MTFR1: variants seen among roughly 807,000 people sequenced by gnomAD.
MTFR1 encodes the protein chondrocyte protein with a poly-proline region.
A neutral mutation model predicts 38.8 loss-of-function variants in MTFR1; 28 were observed. The ratio of observed to expected loss-of-function variants is 0.72; its 90% confidence interval spans 0.53 to 0.99. The LOEUF (loss-of-function observed/expected upper bound fraction) is 0.99, where lower values mean the gene tolerates loss of function less well. Ranked by LOEUF, MTFR1 falls within the 50% of genes least tolerant of loss-of-function variation. The pLI is 0.00. For missense variants in MTFR1, 358 were observed against 395.5 expected (o/e 0.91, Z 0.81); for synonymous variants, 145 against 137.0 (o/e 1.06, Z -0.41).
At chr8:65,730,117 G>A (rs1806792824) in intron 3 of MTFR1, among the ~76,000 whole-genome samples, 2 of 147,708 alleles carry the variant, frequency 1.4e-5, no homozygotes, top group African/African-American at 2.5e-5. Context: ...GCTTCTCATA[G>A]GAGCACAAAC....
chr8:65,689,985 T>G (rs183012849), intron 3 of MTFR1, among the ~76,000 whole-genome samples: 8 of 152,356 alleles, frequency 5.3e-5, no homozygotes, highest in African/African-American at 1.9e-4. Flanking sequence ...GCACATATTA[T>G]GGACTTGGTA....
intron 3 of MTFR1, among the ~76,000 whole-genome samples, chr8:65,755,047 G>A (rs1189797716): frequency 1.4e-5 from 2 of 142,026 alleles, no homozygotes; most frequent in Non-Finnish European, 3.0e-5. Context: ...TTGAGACAGA[G>A]TCTCACTCTG....
At chr8:65,767,615 G>A (rs994554244) in intron 3 of MTFR1, among the ~76,000 whole-genome samples, 3 of 152,116 alleles carry the variant, frequency 2.0e-5, no homozygotes, top group Non-Finnish European at 2.9e-5. Flanking sequence ...CATACCCTGG[G>A]GGAATCTGGG....
chr8:65,770,121 CTGTG>C (rs10608556), intron 3 of MTFR1, among the ~76,000 whole-genome samples: 17,811 of 146,352 alleles, frequency 0.12, 1,279 homozygotes, highest in African/African-American at 0.21. Flanking sequence ...CAGTATACTT[CTGTG>C]TGTGTGTGTG....
At chr8:65,684,500 C>T (rs1270713795) in intron 3 of MTFR1, among the ~76,000 whole-genome samples, 1 of 151,774 alleles carries the variant, frequency 6.6e-6, no homozygotes, top group Admixed American at 6.6e-5. Flanking sequence ...GTTCTCCTGC[C>T]TCAGCCTCCC....
rs1381851838 is a variant in MTFR1 at position 65,727,434 on chromosome 8, T to C, written c.*48+7953T>C. ...CCCCTTCACGTCATTCCTCAGGTGGTTGTTCATTAGGTTCACCAAGCACAT... is the reference window on the plus strand; with the variant it reads ...CCCCTTCACGTCATTCCTCAGGTGGCTGTTCATTAGGTTCACCAAGCACAT... On this transcript the variant is annotated intron_variant, in intron 3 of 3. Coordinates refer to the MTFR1 transcript ENST00000521247. 8 of 1,316,988 alleles carry C rather than the reference T, an allele frequency of 6.1e-6. No homozygotes were observed. The Admixed American group carries it at 1.4e-4, about 24-fold the overall frequency. 81.6% of individuals were successfully genotyped at this position (1,316,988 alleles called of 1,614,324 possible).
intron 3 of MTFR1, among the ~76,000 whole-genome samples, chr8:65,724,601 G>A (rs189216562): frequency 6.6e-6 from 1 of 152,268 alleles, no homozygotes; most frequent in African/African-American, 2.4e-5. Context: ...TGCCTTCCTA[G>A]GTAGCAGATT....
At chr8:65,740,583 G>T (rs761717411) in intron 3 of MTFR1, among the ~76,000 whole-genome samples, 4 of 152,062 alleles carry the variant, frequency 2.6e-5, no homozygotes, top group African/African-American at 9.7e-5. Flanking sequence ...TGTATTTTTA[G>T]TAGAGACAGG....
intron 1 of MTFR1, among the ~76,000 whole-genome samples, chr8:65,649,084 C>T (rs778528138): frequency 2.6e-5 from 4 of 152,030 alleles, no homozygotes; most frequent in African/African-American, 7.2e-5. Context: ...CAGTAGACAA[C>T]TGTTTCCATT....
chr8:65,724,797 G>T (rs1357969065), intron 3 of MTFR1: 2 of 1,608,216 alleles, frequency 1.2e-6, no homozygotes, highest in South Asian at 2.2e-5. Context: ...AAATGTCTGT[G>T]TCTGGTGTCT....
chr8:65,712,712 A>G (rs1805986526), downstream of MTFR1, among the ~76,000 whole-genome samples: 1 of 152,240 alleles, frequency 6.6e-6, no homozygotes, highest in Non-Finnish European at 1.5e-5. Context: ...AGAACTGACC[A>G]TTCCAGCACC....
intron 3 of MTFR1, among the ~76,000 whole-genome samples, chr8:65,740,064 A>G (rs941397948): frequency 3.3e-5 from 5 of 149,410 alleles, no homozygotes; most frequent in African/African-American, 1.2e-4. Flanking sequence ...TCATCCATAC[A>G]GGGTTAGGAG....
At chr8:65,765,579 A>C (rs1808741531) in intron 3 of MTFR1, 1 of 151,918 alleles carries the variant, frequency 6.6e-6, no homozygotes, top group African/African-American at 2.4e-5. Flanking sequence ...AAGAGTAAAA[A>C]GAAAATGGAA....
chr8:65,693,830 CTTATTT>C (rs1486736444), intron 4 of MTFR1, 71 bp downstream of exon 4: 1 of 1,183,166 alleles, frequency 8.5e-7, no homozygotes, highest in Non-Finnish European at 1.2e-6. Context: ...ATTTGCAGTA[CTTATTT>C]TTAATAGCCT....
At position 65,754,890 on chromosome 8, in the gene MTFR1, G is replaced by C. The variant is rs192516934; in HGVS notation, c.*49-16057G>C. Among the ~76,000 whole-genome samples, 273 of 149,214 alleles carry C rather than the reference G, an allele frequency of 1.8e-3. 1 individual carries two copies. The highest frequency in any genetic ancestry group is 6.5e-3 in the African/African-American group (265 of 40,990). On this transcript the variant is annotated intron_variant, in intron 3 of 3. Coordinates refer to the MTFR1 transcript ENST00000521247. ...TGAGGCAGGAGAATCGCCTGAACCC[G>C]GGAGGCGGAGGTTGCAGTGAGCCGA...
At chr8:65,651,223 A>AT (rs1454382722) in intron 1 of MTFR1, among the ~76,000 whole-genome samples, 1 of 151,620 alleles carries the variant, frequency 6.6e-6, no homozygotes, top group Admixed American at 6.6e-5. Flanking sequence ...TAGTTTGCAA[A>AT]TTTTTTTTCC....
intron 1 of MTFR1, among the ~76,000 whole-genome samples, chr8:65,650,387 T>C (rs1468596468): frequency 6.6e-6 from 1 of 151,986 alleles, no homozygotes; most frequent in Non-Finnish European, 1.5e-5. Context: ...TGGCCCAGGC[T>C]GATGTTGAAC....
intron 3 of MTFR1, among the ~76,000 whole-genome samples, chr8:65,730,035 A>C (rs1351041864): frequency 6.6e-6 from 1 of 152,030 alleles, no homozygotes; most frequent in Non-Finnish European, 1.5e-5. Flanking sequence ...CCTGAGAGGA[A>C]CCAGGTGCAC....
chr8:65,712,057 A>C (rs1329044675), downstream of MTFR1, among the ~76,000 whole-genome samples: 2 of 152,254 alleles, frequency 1.3e-5, no homozygotes, highest in Non-Finnish European at 2.9e-5. Context: ...ACAAGATTTT[A>C]ACCAAAGGTA....
Sources: gnomAD v4.1 joint callset for allele counts (sites outside exome capture counted in the v4.1 genomes callset) on GRCh38, gnomAD v4.1.1 for gene constraint, MANE v1.5 for transcripts, NCBI Gene and HGNC (gene_info 2026-07-23, HGNC 2026-07-21) for gene names.